HROB: variants seen among roughly 807,000 people sequenced by gnomAD.
HROB encodes homologous recombination factor with OB-fold, also known as homologous recombination OB-fold protein.
Under a neutral mutation model 61.0 loss-of-function variants are expected in HROB, and 44 were observed. That is an observed-to-expected ratio of 0.72 (90% CI 0.57 to 0.93). The LOEUF (loss-of-function observed/expected upper bound fraction) is 0.93, where lower values mean the gene tolerates loss of function less well. HROB is among the 40% of genes least tolerant of loss of function. The pLI, the probability that HROB is intolerant of heterozygous loss-of-function variation, is 0.00. For synonymous variants in HROB, 301 were observed against 310.4 expected (o/e 0.97, Z 0.32); for missense variants, 716 against 796.2 (o/e 0.90, Z 1.21).
intron 2 of HROB, 116 bp from the exon 3 acceptor site, chr17:44,147,742 C>T (rs899771699): frequency 9.4e-7 from 1 of 1,063,062 alleles, no homozygotes. Context: ...GACCCTCATG[C>T]TTTGGTTTCT....
chr17:44,147,342 G>C (rs1426998607), intron 2 of HROB, among the ~76,000 whole-genome samples: 1 of 152,094 alleles, frequency 6.6e-6, no homozygotes, highest in Non-Finnish European at 1.5e-5. Flanking sequence ...GTTTTTGATA[G>C]AGCCTTGTGT....
At chr17:44,144,437 G>A (rs987211590) in intron 1 of HROB, among the ~76,000 whole-genome samples, 3 of 151,910 alleles carry the variant, frequency 2.0e-5, no homozygotes, top group Non-Finnish European at 4.4e-5. Flanking sequence ...CACCACGCCC[G>A]ACCAAATTTT....
intron 2 of HROB, 163 bp from the exon 3 acceptor site, chr17:44,147,695 C>T: frequency 1.4e-6 from 1 of 707,214 alleles, no homozygotes; most frequent in Non-Finnish European, 2.3e-6. Flanking sequence ...CTTGGCCTCC[C>T]AAAGTGCTGG....
At chr17:44,151,101 G>A (rs2053791488) in intron 4 of HROB, 57 bp downstream of exon 4, 3 of 1,496,120 alleles carry the variant, frequency 2.0e-6, no homozygotes, top group Non-Finnish European at 2.8e-6. Flanking sequence ...GGGCGTCCCT[G>A]TGTGTTTCAG....
At chr17:44,150,864 C>G in intron 3 of HROB, 97 bp from the exon 4 acceptor site, 4 of 1,018,134 alleles carry the variant, frequency 3.9e-6, no homozygotes, top group South Asian at 1.4e-5. Context: ...AGTCCCTGAT[C>G]ATTTCCTGAA....
intron 9 of HROB, 89 bp downstream of exon 9, chr17:44,158,030 T>G (rs2054024072): frequency 3.3e-6 from 3 of 905,786 alleles, no homozygotes; most frequent in Admixed American, 2.7e-5. Context: ...ATCTTGTTCC[T>G]CTTTCCATGA....
At chr17:44,152,878 C>A in intron 5 of HROB, 101 bp downstream of exon 5, 1 of 1,410,586 alleles carries the variant, frequency 7.1e-7, no homozygotes, top group Non-Finnish European at 9.6e-7. Context: ...TTTGCTCCCT[C>A]GTACCCTATA....
chr17:44,160,728 C>T (rs1445911273), intron 9 of HROB, among the ~76,000 whole-genome samples: 1 of 152,222 alleles, frequency 6.6e-6, no homozygotes, highest in African/African-American at 2.4e-5. Context: ...GGTGTTCTCA[C>T]ACTACCTAAT....
At chr17:44,155,538 G>A in intron 8 of HROB, 127 bp downstream of exon 8, 2 of 1,391,482 alleles carry the variant, frequency 1.4e-6, no homozygotes, top group Non-Finnish European at 1.9e-6. Flanking sequence ...AGGTGAAAAG[G>A]TATCTTTGGG....
At chr17:44,155,688 G>A (rs1297149509) in intron 8 of HROB, among the ~76,000 whole-genome samples, 1 of 152,160 alleles carries the variant, frequency 6.6e-6, no homozygotes, top group East Asian at 1.9e-4. Flanking sequence ...AGTCACTTGA[G>A]AACTAACCAA....
intron 9 of HROB, among the ~76,000 whole-genome samples, chr17:44,161,212 A>G (rs1415683025): frequency 6.6e-6 from 1 of 151,822 alleles, no homozygotes; most frequent in Non-Finnish European, 1.5e-5. Context: ...CAAAAAAAAA[A>G]AAAAAGTTTG....
chr17:44,146,688 T>C (rs1438382717), intron 2 of HROB, among the ~76,000 whole-genome samples: 1 of 152,176 alleles, frequency 6.6e-6, no homozygotes, highest in Non-Finnish European at 1.5e-5. Context: ...GCTATAGTTC[T>C]GGTTATTATT....
Position 44,142,466 on chromosome 17 carries a change from C to CTT in HROB, c.3+339_3+340dup, listed in dbSNP as rs1156855939. ...TCCCCTCCCCGCCCCACACTTTCTA[C>CTT]TTTTTTTTTTTTTTTTTTTGGACGA... On this transcript the variant is annotated intron_variant, in intron 1 of 9. Coordinates refer to ENST00000585683, the MANE Select transcript of HROB (RefSeq NM_001171251.3). Among the ~76,000 whole-genome samples, 8 of 137,840 alleles carry CTT rather than the reference C, an allele frequency of 5.8e-5. 1 individual carries two copies. Among genetic ancestry groups the CTT allele is most frequent in the African/African-American group, 8.0e-5 (3 of 37,284 alleles). The allele number at this position is 137,840 out of a possible 152,430, so 90.4% of individuals were successfully genotyped here. A position where few individuals can be genotyped will look rare whatever the true frequency, so the allele number is the denominator to read the frequency against.
intron 3 of HROB, 88 bp downstream of exon 3, chr17:44,149,115 G>A: frequency 7.7e-7 from 1 of 1,306,288 alleles, no homozygotes; most frequent in Non-Finnish European, 1.0e-6. Context: ...CTTCCCTCTT[G>A]CAGAGAAGGA....
At chr17:44,151,137 G>T (rs2143967164) in intron 4 of HROB, 93 bp downstream of exon 4, 1 of 1,307,134 alleles carries the variant, frequency 7.7e-7, no homozygotes, top group Non-Finnish European at 1.1e-6. Flanking sequence ...AGCTGATGCT[G>T]CTAGGCCTGT....
intron 8 of HROB, 111 bp downstream of exon 8, chr17:44,155,522 G>C (rs1035251152): frequency 2.0e-5 from 30 of 1,464,214 alleles, no homozygotes; most frequent in Admixed American, 2.4e-5. Flanking sequence ...GGGGGCAGGT[G>C]CTCTGAGGTG....
chr17:44,153,317 G>A (rs1291172408), intron 5 of HROB, among the ~76,000 whole-genome samples: 1 of 151,936 alleles, frequency 6.6e-6, no homozygotes, highest in Non-Finnish European at 1.5e-5. Context: ...AGCTGGATGT[G>A]GTGGCACATG....
rs867913636 is a variant in HROB, at chr17:44,148,857, C to T, written c.1054C>T (p.Pro352Ser). The change falls in exon 3 of 10, where the codon CCT (proline) becomes TCT (serine). Residue 352 changes from proline (P) to serine (S), a missense_variant. Transcript: ENST00000585683. The part of the protein sequence containing the change: ...PQAPVSSIGS[P>S]VGTPKGPQGA... ...AGCTCCAGTGTCTTCCATTGGGTCT[C>T]CTGTTGGTACCCCAAAAGGTCCCCA... 8 of 1,614,214 alleles carry T rather than the reference C, an allele frequency of 5.0e-6. No individual in the cohort carries two copies. The highest frequency in any genetic ancestry group is 1.7e-5 in the Admixed American group (1 of 60,022).
intron 9 of HROB, among the ~76,000 whole-genome samples, chr17:44,158,686 C>T (rs551664376): frequency 2.0e-5 from 3 of 151,528 alleles, no homozygotes; most frequent in East Asian, 3.9e-4. Flanking sequence ...CGCTCTGTCA[C>T]CCAGGGTGAA....
Sources: allele counts gnomAD v4.1 joint callset (sites outside exome capture counted in the v4.1 genomes callset), GRCh38; gene constraint gnomAD v4.1.1; transcripts MANE v1.5; gene names NCBI Gene and HGNC (gene_info 2026-07-23, HGNC 2026-07-21).